The following CLEC6A variants were observed in gnomAD, a reference collection of about 807,000 sequenced individuals.
CLEC6A encodes C-type lectin domain containing 6A.
CLEC6A carries 22 observed loss-of-function variants against 25.7 expected under a neutral mutation model. The ratio of observed to expected loss-of-function variants is 0.85; its 90% CI spans 0.61 to 1.22. CLEC6A has a LOEUF of 1.22. Ranked by LOEUF, CLEC6A falls within the 50% of genes most tolerant of loss-of-function variation. CLEC6A has a pLI of 0.00. For missense variants in CLEC6A, 240 were observed against 236.8 expected, an observed-to-expected ratio of 1.01 and a Z score of -0.09; for synonymous variants, 92 against 76.7, an observed-to-expected ratio of 1.20 and a Z score of -1.04.
chr12:8,465,595 C>T lies in CLEC6A; in HGVS notation c.335C>T (p.Ala112Val). 1 of 1,613,762 alleles carries T rather than the reference C, an allele frequency of 6.2e-7. No homozygotes were observed. Among genetic ancestry groups the T allele is most frequent in the Non-Finnish European group, 8.5e-7 (1 of 1,179,868 alleles). The change falls in exon 4 of 6, where the codon GCA becomes GTA. Residue 112 changes from alanine to valine, a missense_variant. Coordinates refer to ENST00000382073, the MANE Select transcript of CLEC6A (RefSeq NM_001007033.2). ...GAGCAGAACTGTGTTGAGATGGGAG[C>T]ACATTTGGTTGTGTTCAACACAGAA... is the stretch of plus-strand genomic sequence containing the variant. ...KSEQNCVEMG[A>V]HLVVFNTEAE...
intron 4 of CLEC6A, among the ~76,000 whole-genome samples, chr12:8,469,889 C>T (rs1020918635): frequency 9.9e-5 from 15 of 152,104 alleles, no homozygotes; most frequent in African/African-American, 3.6e-4. Flanking sequence ...GACTTCATGA[C>T]CAAGAACCCA....
chr12:8,458,826 G>A lies in CLEC6A; in HGVS notation c.122-771G>A, dbSNP rs906588600. On this transcript the variant is annotated intron_variant, in intron 2 of 5. Coordinates refer to ENST00000382073, the MANE Select transcript of CLEC6A (RefSeq NM_001007033.2). ...ACATGAACTAAGAGCGGGGCAGAAA[G>A]ATTTGGTTGTATTGAGCTCTAGTTA... Among the ~76,000 whole-genome samples the A allele has an allele frequency of 5.3e-4, 80 of 152,104 alleles. 1 individual carries two copies. Among genetic ancestry groups the A allele is most frequent in the African/African-American group, 1.9e-3 (79 of 41,408 alleles).
intron 4 of CLEC6A, among the ~76,000 whole-genome samples, 200 bp downstream of exon 4, chr12:8,465,829 T>C (rs754778018): frequency 3.9e-5 from 6 of 152,342 alleles, no homozygotes; most frequent in Non-Finnish European, 8.8e-5. Context: ...TCCCCATCCC[T>C]GAAAGCCCTG....
chr12:8,459,454 T>C, intron 2 of CLEC6A, 143 bp from the exon 3 acceptor site: 1 of 559,762 alleles, frequency 1.8e-6, no homozygotes, highest in African/African-American at 1.8e-5. Flanking sequence ...TACAAGCAAA[T>C]AATAATTTGG....
intron 3 of CLEC6A, chr12:8,460,714 C>T (rs1273185705): frequency 6.8e-7 from 1 of 1,476,064 alleles, no homozygotes; most frequent in East Asian, 2.3e-5. Flanking sequence ...GTACCGCCAG[C>T]TCTCTGCTCT....
intron 4 of CLEC6A, among the ~76,000 whole-genome samples, chr12:8,475,251 C>T (rs891898683): frequency 1.3e-5 from 2 of 151,938 alleles, no homozygotes; most frequent in African/African-American, 4.8e-5. Context: ...AACCCCAATG[C>T]AATTTCACTG....
Position 8,465,502 on chromosome 12 carries a change from C to A in CLEC6A, c.242C>A (p.Ala81Asp), listed in dbSNP as rs764952367. ...AAAATAGCCTGGGGATGTTGCCCAG[C>A]TTCTTGGAAGTCATTTGGTTCCAGT... is the stretch of plus-strand genomic sequence containing the variant. Reference protein sequence around the residue: ...TKVPAWGCCPASWKSFGSSCY... With the variant: ...TKVPAWGCCPDSWKSFGSSCY... The change falls in exon 4 of 6, where the codon GCT becomes GAT. Residue 81 changes from alanine to aspartate, a missense_variant. Ala to Asp is a moderately radical substitution (Grantham distance 126, BLOSUM62 -2). Coordinates refer to ENST00000382073, the MANE Select transcript of CLEC6A (RefSeq NM_001007033.2). 1 of 1,613,978 alleles carries A rather than the reference C, an allele frequency of 6.2e-7. No individual in the cohort carries two copies. Among genetic ancestry groups the A allele is most frequent in the South Asian group, 1.1e-5 (1 of 91,064 alleles).
At chr12:8,474,938 G>T (rs1453233340) in intron 4 of CLEC6A, among the ~76,000 whole-genome samples, 1 of 151,950 alleles carries the variant, frequency 6.6e-6, no homozygotes, top group East Asian at 1.9e-4. Flanking sequence ...CAACGTGCAG[G>T]TTTGTTACAT....
chr12:8,459,918 A>G (rs370793092), intron 3 of CLEC6A, among the ~76,000 whole-genome samples: 19 of 152,294 alleles, frequency 1.2e-4, no homozygotes, highest in Middle Eastern at 3.4e-3. Context: ...CTTGGTAAAT[A>G]TTATAAACCT....
intron 3 of CLEC6A, among the ~76,000 whole-genome samples, chr12:8,460,419 T>G (rs1939736851): frequency 6.6e-6 from 1 of 152,166 alleles, no homozygotes; most frequent in African/African-American, 2.4e-5. Context: ...ACTTATTCAC[T>G]ACCGGGAGAA....
chr12:8,464,734 T>A (rs759183301), intron 3 of CLEC6A, among the ~76,000 whole-genome samples: 11 of 152,308 alleles, frequency 7.2e-5, no homozygotes, highest in Admixed American at 1.3e-4. Flanking sequence ...ATAAAATATA[T>A]CAGTGGATTT....
At chr12:8,473,962 A>T (rs1939939310) in intron 4 of CLEC6A, among the ~76,000 whole-genome samples, 1 of 152,032 alleles carries the variant, frequency 6.6e-6, no homozygotes, top group Non-Finnish European at 1.5e-5. Flanking sequence ...TTCCAGATAG[A>T]TTCTGGATGT....
rs1431570955 is a variant in CLEC6A, at chr12:8,465,636, T to TTAAATAAA, written c.369+8_369+9insAAATAAAT. On this transcript the variant is annotated splice_region_variant and intron_variant, in intron 4 of 5. Coordinates refer to ENST00000382073, the MANE Select transcript of CLEC6A (RefSeq NM_001007033.2). ...CAACACAGAAGCAGAGCAGGTACTG[T>TTAAATAAA]TTCCATTTAAAATTTATTTAATTGT... 6.3e-7 allele frequency: 1 copy of TTAAATAAA among 1,596,754 alleles called. No individual in the cohort carries two copies. The highest frequency in any genetic ancestry group is 8.5e-7 in the Non-Finnish European group (1 of 1,173,742).
intron 1 of CLEC6A, among the ~76,000 whole-genome samples, chr12:8,456,410 A>G (rs1034334602): frequency 3.3e-5 from 5 of 152,204 alleles, no homozygotes; most frequent in Non-Finnish European, 7.3e-5. Flanking sequence ...TAGAAGGTAA[A>G]CAGGGAAATA....
At chr12:8,467,442 A>G (rs747118664) in intron 4 of CLEC6A, among the ~76,000 whole-genome samples, 1 of 152,314 alleles carries the variant, frequency 6.6e-6, no homozygotes, top group South Asian at 2.1e-4. Flanking sequence ...TTTGTTAAAG[A>G]GAGATTGTCT....
intron 4 of CLEC6A, 123 bp from the exon 5 acceptor site, chr12:8,476,002 T>C: frequency 1.7e-6 from 1 of 573,024 alleles, no homozygotes; most frequent in East Asian, 2.9e-5. Flanking sequence ...AAGGCCATCA[T>C]GTGACTGCTC....
intron 3 of CLEC6A, 118 bp from the exon 4 acceptor site, chr12:8,465,366 A>G: frequency 1.0e-6 from 1 of 974,508 alleles, no homozygotes; most frequent in South Asian, 1.9e-5. Flanking sequence ...AAATTCTATA[A>G]TTCAGGAAAC....
chr12:8,468,847 A>C (rs2136362993), intron 4 of CLEC6A, among the ~76,000 whole-genome samples: 1 of 152,298 alleles, frequency 6.6e-6, no homozygotes, highest in African/African-American at 2.4e-5. Context: ...AACAGGGAAA[A>C]GTTAAAATCA....
Position 8,476,260 on chromosome 12 carries a change from C to A in CLEC6A, c.485+20C>A. The A allele has an allele frequency of 7.2e-7, 1 of 1,379,626 alleles. No individual in the cohort carries two copies. The allele number at this position is 1,379,626 out of a possible 1,614,324, so 85.5% of individuals were successfully genotyped here. On this transcript the variant is annotated intron_variant, in intron 5 of 5. Transcript: ENST00000382073. ...TGTCAGGTGAGTGCAGTTCTGGGGC[C>A]TTGTTTACATAGAAAATCTAGGGAA... is the stretch of plus-strand genomic sequence containing the variant.
Sources: gnomAD v4.1 joint callset for allele counts (sites outside exome capture counted in the v4.1 genomes callset) on GRCh38, gnomAD v4.1.1 for gene constraint, MANE v1.5 for transcripts, NCBI Gene and HGNC (gene_info 2026-07-23, HGNC 2026-07-21) for gene names.